HELZ: variants seen among roughly 807,000 people sequenced by gnomAD.
HELZ encodes helicase with zinc finger.
A neutral mutation model predicts 218.2 loss-of-function variants in HELZ; 23 were observed. The observed-to-expected ratio is 0.11, with a 90% CI of 0.08 to 0.15. The LOEUF (loss-of-function observed/expected upper bound fraction) is 0.15, where lower values mean the gene tolerates loss of function less well. Ranked by LOEUF, HELZ falls within the 10% of genes least tolerant of loss-of-function variation. The pLI is 1.00. For synonymous variants in HELZ, 814 were observed against 829.4 expected (o/e 0.98, Z 0.32); for missense variants, 1,813 against 2,353.7 (o/e 0.77, Z 4.75).
chr17:67,168,428 T>C (rs1460144919), intron 13 of HELZ, among the ~76,000 whole-genome samples: 2 of 152,196 alleles, frequency 1.3e-5, no homozygotes, highest in Non-Finnish European at 2.9e-5. Flanking sequence ...AAATATTATA[T>C]ACTAATTAAT....
In HELZ at chr17:67,188,736, T is replaced by C; in HGVS notation, c.865-120A>G. 2 of 722,972 alleles carry C rather than the reference T, an allele frequency of 2.8e-6. No homozygotes were observed. The highest frequency in any genetic ancestry group is 4.2e-5 in the South Asian group (2 of 47,858). The allele number at this position is 722,972 out of a possible 1,614,324, so 44.8% of individuals were successfully genotyped here. A position where few individuals can be genotyped will look rare whatever the true frequency, so the allele number is the denominator to read the frequency against. ...TTACTTCCCCAAGCTTCTAAGATAC[T>C]ATAGCCATTTAAGAAAAAAATCAGA... On this transcript the variant is annotated intron_variant, in intron 11 of 32. Transcript: ENST00000358691. This position sits in a 1 kb window ranked among gnomAD's most constrained non-coding sequence, Gnocchi z 4.1.
chr17:67,074,142 T>C lies in HELZ; in HGVS notation c.*4110A>G, dbSNP rs1442844462. ...ATACCTTGAGATTCAGGAAGACATA[T>C]AGCGCGGCAGTAGAAATTAAGGATT... is the stretch of plus-strand genomic sequence containing the variant. On this transcript the variant is annotated 3_prime_UTR_variant, in exon 33 of 33. Coordinates refer to ENST00000358691, the MANE Select transcript of HELZ (RefSeq NM_014877.4). 3.3e-5 allele frequency: 5 copies of C among 152,126 alleles called. No homozygotes were observed. Among genetic ancestry groups the C allele is most frequent in the African/African-American group, 9.6e-5 (4 of 41,522 alleles). The allele number at this position is 152,126 out of a possible 1,614,324, so 9.4% of individuals were successfully genotyped here. A position where few individuals can be genotyped will look rare whatever the true frequency, so the allele number is the denominator to read the frequency against.
At chr17:67,107,046 A>C (rs2037125194) in intron 31 of HELZ, 123 bp downstream of exon 31, 1 of 964,198 alleles carries the variant, frequency 1.0e-6, no homozygotes, top group Admixed American at 2.6e-5. Context: ...AATTCCCAAG[A>C]AAGGATTATC....
chr17:67,190,160 T>C lies in HELZ; in HGVS notation c.753A>G (p.Lys251=). 1 of 1,612,876 alleles carries C rather than the reference T, an allele frequency of 6.2e-7. No individual in the cohort carries two copies. The highest frequency in any genetic ancestry group is 8.5e-7 in the Non-Finnish European group (1 of 1,178,906). ...EKWMNSLSPE[K]VLSECIEGVK... ...TAATGTAGCTTATTTTCCTCACCAC[T>C]TTCTCAGGAGACAATGAATTCATCC... The change falls in exon 10 of 33, where the codon AAA becomes AAG. Residue 251 remains lysine (K), a synonymous_variant. Transcript: ENST00000358691.
intron 32 of HELZ, 54 bp downstream of exon 32, chr17:67,086,775 G>A: frequency 6.3e-7 from 1 of 1,587,664 alleles, no homozygotes; most frequent in Non-Finnish European, 8.6e-7. Context: ...AAACTCCACA[G>A]ATATCCGGGA....
At chr17:67,228,888 T>C (rs886402841) in intron 3 of HELZ, among the ~76,000 whole-genome samples, 4 of 152,026 alleles carry the variant, frequency 2.6e-5, no homozygotes, top group African/African-American at 9.7e-5. Flanking sequence ...CAGGCTAATT[T>C]TGTATTTTTA....
intron 13 of HELZ, among the ~76,000 whole-genome samples, chr17:67,170,400 G>A (rs1355167289): frequency 2.6e-5 from 4 of 151,796 alleles, no homozygotes; most frequent in African/African-American, 2.4e-5. Flanking sequence ...CTGTAATCCC[G>A]GCTACTTGGG....
chr17:67,141,540 T>C (rs1312784269), intron 21 of HELZ, among the ~76,000 whole-genome samples: 1 of 151,976 alleles, frequency 6.6e-6, no homozygotes, highest in East Asian at 1.9e-4. Context: ...CCTTCTTTCG[T>C]ATTAAGTGCA....
chr17:67,100,047 C>T lies in HELZ; in HGVS notation c.5241+7122G>A, dbSNP rs8072269. On this transcript the variant is annotated intron_variant, in intron 31 of 32. Coordinates refer to ENST00000358691, the MANE Select transcript of HELZ (RefSeq NM_014877.4). Reference sequence around the variant, plus strand: ...AGAGAAGACAGCAATATTTCTACCTCGTTATACAACACAAGTCATAAGCTA... The same window carrying T: ...AGAGAAGACAGCAATATTTCTACCTTGTTATACAACACAAGTCATAAGCTA... Among the ~76,000 whole-genome samples, 676 of 152,184 alleles carry T rather than the reference C, an allele frequency of 4.4e-3. 5 individuals carry two copies. Among genetic ancestry groups the T allele is most frequent in the African/African-American group, 0.015 (629 of 41,502 alleles).
Position 67,072,015 on chromosome 17 carries a change from A to C in HELZ, c.*6237T>G, listed in dbSNP as rs2363845. The C allele has an allele frequency of 0.65, 97,269 of 150,038 alleles. 31,988 individuals are homozygous for C. The highest frequency in any genetic ancestry group is 0.87 in the East Asian group (4,436 of 5,106). 9.3% of individuals were successfully genotyped at this position (150,038 alleles called of 1,614,324 possible). A position where few individuals can be genotyped will look rare whatever the true frequency, so the allele number is the denominator to read the frequency against. On this transcript the variant is annotated 3_prime_UTR_variant, in exon 33 of 33. Coordinates refer to ENST00000358691, the MANE Select transcript of HELZ (RefSeq NM_014877.4). Reference sequence around the variant, plus strand: ...CTTTGCCCTCACCACCCTCCCCCACAAAAAAAAAAAATAATAATAACCATA... The same window carrying C: ...CTTTGCCCTCACCACCCTCCCCCACCAAAAAAAAAAATAATAATAACCATA...
chr17:67,136,247 C>T (rs752131018), intron 22 of HELZ, 49 bp from the exon 23 acceptor site: 8 of 1,191,578 alleles, frequency 6.7e-6, no homozygotes, highest in Middle Eastern at 2.0e-4. Flanking sequence ...CATTCTGAAC[C>T]ACTGATATAA....
chr17:67,196,847 C>T (rs2040044754), intron 7 of HELZ, among the ~76,000 whole-genome samples: 1 of 152,150 alleles, frequency 6.6e-6, no homozygotes, highest in Admixed American at 6.5e-5. Flanking sequence ...TCTTGAACTC[C>T]TCCCTCTTCT....
chr17:67,175,803 A>G (rs956332893), intron 13 of HELZ, among the ~76,000 whole-genome samples: 3 of 152,250 alleles, frequency 2.0e-5, no homozygotes, highest in South Asian at 2.1e-4. Flanking sequence ...ATTATCAGTT[A>G]TATCTTGAAG....
At chr17:67,214,344 C>T (rs769698631) in intron 5 of HELZ, among the ~76,000 whole-genome samples, 7 of 140,730 alleles carry the variant, frequency 5.0e-5, no homozygotes, top group Non-Finnish European at 9.0e-5. Context: ...TGGCTCACTG[C>T]AGCCTCTGCC....
chr17:67,209,731 TCTTAAGCAAGTAA>T (rs940018242), intron 5 of HELZ, among the ~76,000 whole-genome samples: 1 of 144,022 alleles, frequency 6.9e-6, no homozygotes, highest in African/African-American at 2.7e-5. Context: ...GGCTCTGTGC[TCTTAAGCAAGTAA>T]CTTAATCTCA....
intron 3 of HELZ, among the ~76,000 whole-genome samples, chr17:67,234,096 G>A (rs2041113497): frequency 1.3e-5 from 2 of 149,862 alleles, no homozygotes; most frequent in South Asian, 4.3e-4. Flanking sequence ...GGCCAAGGTA[G>A]GTGGATGGCT....
rs1467500356 is a variant in HELZ, at chr17:67,084,705, T to C, written c.5494+2124A>G. On this transcript the variant is annotated intron_variant, in intron 32 of 32. Coordinates refer to ENST00000358691, the MANE Select transcript of HELZ (RefSeq NM_014877.4). ...AAGAAAAAGAAGAAGAGAAATGATGTTATCGTAAAAAAATTATAATAAACA... is the reference window on the plus strand; with the variant it reads ...AAGAAAAAGAAGAAGAGAAATGATGCTATCGTAAAAAAATTATAATAAACA... Among the ~76,000 whole-genome samples, 3 of 151,246 alleles carry C rather than the reference T, an allele frequency of 2.0e-5. No homozygotes were observed. In the East Asian group the frequency reaches 5.8e-4, roughly 29 times the overall value.
intron 5 of HELZ, among the ~76,000 whole-genome samples, chr17:67,208,010 A>C (rs547409120): frequency 6.6e-6 from 1 of 152,338 alleles, no homozygotes; most frequent in Admixed American, 6.5e-5. Context: ...AAACAAAAAC[A>C]AAAAACAGCA....
rs1044665441 is a variant in HELZ, at chr17:67,169,036, A to G, written c.1431-1240T>C. ...GAACCCAGGAGGTGGAGGTTGCAGT[A>G]AGCCAATTATCACATCACTGCACTC... On this transcript the variant is annotated intron_variant, in intron 13 of 32. Coordinates refer to ENST00000358691, the MANE Select transcript of HELZ (RefSeq NM_014877.4). 2.0e-5 allele frequency among the ~76,000 whole-genome samples: 3 copies of G among 152,200 alleles called. No individual in the cohort carries two copies. The South Asian group carries it at 6.2e-4, about 32-fold the overall frequency.
Sources: gnomAD v4.1 joint callset for allele counts (sites outside exome capture counted in the v4.1 genomes callset) on GRCh38, gnomAD v4.1.1 for gene constraint, Gnocchi (gnomAD v3.1) non-coding constraint, MANE v1.5 for transcripts, NCBI Gene and HGNC (gene_info 2026-07-23, HGNC 2026-07-21) for gene names.